Variants in FAM168A observed in about 807,000 individuals in gnomAD.
The protein encoded by FAM168A is protein FAM168A.
FAM168A carries 3 observed loss-of-function variants against 28.5 expected under a neutral mutation model. The observed-to-expected ratio is 0.11, with a 90% CI of 0.05 to 0.27. The LOEUF (loss-of-function observed/expected upper bound fraction) is 0.27, where lower values mean the gene tolerates loss of function less well. Among genes scored for constraint, FAM168A ranks in the 10% least tolerant of loss-of-function variants. The probability of loss-of-function intolerance (pLI) is 1.00; values close to 1 mark genes in which losing one functional copy is unlikely to be tolerated. For missense variants in FAM168A, 222 were observed against 311.5 expected, an observed-to-expected ratio of 0.71 and a Z score of 2.16; for synonymous variants, 122 against 124.2, an observed-to-expected ratio of 0.98 and a Z score of 0.12.
chr11:73,571,579 G>C (rs1218906157), intron 1 of FAM168A, among the ~76,000 whole-genome samples: 1 of 151,866 alleles, frequency 6.6e-6, no homozygotes, highest in East Asian at 1.9e-4. Context: ...GTGCAGTGGT[G>C]TGATCTCGGC....
At chr11:73,436,556 A>G (rs1867090032) in intron 2 of FAM168A, among the ~76,000 whole-genome samples, 1 of 152,228 alleles carries the variant, frequency 6.6e-6, no homozygotes, top group African/African-American at 2.4e-5. Context: ...AAGATAATAA[A>G]GAAGAGGGCA....
chr11:73,581,123 C>G (rs1282394028), intron 1 of FAM168A, among the ~76,000 whole-genome samples: 1 of 152,220 alleles, frequency 6.6e-6, no homozygotes, highest in Non-Finnish European at 1.5e-5. Flanking sequence ...TGTGAAATGT[C>G]AACCCTCACT....
chr11:73,545,612 G>C (rs116294298), intron 1 of FAM168A, among the ~76,000 whole-genome samples: 2 of 150,570 alleles, frequency 1.3e-5, no homozygotes, highest in Non-Finnish European at 3.0e-5. Context: ...TCTCAGTAAA[G>C]CTCTTTAACT....
intron 1 of FAM168A, among the ~76,000 whole-genome samples, chr11:73,544,454 C>T (rs1943698760): frequency 6.6e-6 from 1 of 151,672 alleles, no homozygotes; most frequent in Non-Finnish European, 1.5e-5. Context: ...AATAAGAAAC[C>T]TATGTCCACA....
At chr11:73,468,178 T>C (rs1406190668) in intron 2 of FAM168A, among the ~76,000 whole-genome samples, 1 of 152,206 alleles carries the variant, frequency 6.6e-6, no homozygotes, top group Non-Finnish European at 1.5e-5. Context: ...AATCAAATGT[T>C]TGCAGACTCT....
chr11:73,525,317 G>A (rs1943435557), intron 1 of FAM168A, among the ~76,000 whole-genome samples: 1 of 151,964 alleles, frequency 6.6e-6, no homozygotes, highest in Non-Finnish European at 1.5e-5. Flanking sequence ...TTTAAACTGG[G>A]GAAAGGGACG....
intron 2 of FAM168A, among the ~76,000 whole-genome samples, chr11:73,458,471 T>A (rs923006748): frequency 1.3e-5 from 2 of 152,320 alleles, no homozygotes; most frequent in East Asian, 3.9e-4. Flanking sequence ...ACACACAGTA[T>A]CTGAGACAGA....
intron 2 of FAM168A, among the ~76,000 whole-genome samples, chr11:73,433,333 T>C (rs893427937): frequency 2.0e-5 from 3 of 151,878 alleles, no homozygotes; most frequent in South Asian, 4.1e-4. Context: ...ATTCTGTGGA[T>C]TGTCTTTTTA....
intron 1 of FAM168A, among the ~76,000 whole-genome samples, chr11:73,545,034 A>AT: frequency 2.1e-5 from 2 of 97,132 alleles, no homozygotes; most frequent in African/African-American, 8.8e-5. Flanking sequence ...TATAATATAT[A>AT]TATATTTTTT....
chr11:73,435,256 T>C (rs115594274), intron 2 of FAM168A, among the ~76,000 whole-genome samples: 59 of 152,360 alleles, frequency 3.9e-4, no homozygotes, highest in African/African-American at 1.4e-3. Flanking sequence ...TCTGGAGGTG[T>C]GCTACTTCTC....
chr11:73,419,951 C>T lies in FAM168A; in HGVS notation c.200G>A (p.Gly67Asp), dbSNP rs766223375. The change falls in exon 4 of 8, where the codon GGC becomes GAC. Residue 67 changes from glycine to aspartate, a missense_variant. Coordinates refer to ENST00000356467, the MANE Select transcript of FAM168A (RefSeq NM_015159.3). Reference protein sequence around the residue: ...QAWPQNSSSCGTEGTFHLPVD... With the variant: ...QAWPQNSSSCDTEGTFHLPVD... ...TGGGAGGTGGAAGGTGCCTTCAGTG[C>T]CACAGGAAGACGAGTTCTGTGGCCA... The T allele has an allele frequency of 1.2e-6, 2 of 1,613,936 alleles. No homozygotes were observed. Among genetic ancestry groups the T allele is most frequent in the East Asian group, 4.5e-5 (2 of 44,868 alleles).
intron 1 of FAM168A, among the ~76,000 whole-genome samples, chr11:73,559,720 G>A (rs910853074): frequency 6.6e-6 from 1 of 152,190 alleles, no homozygotes; most frequent in African/African-American, 2.4e-5. Flanking sequence ...GATGGTTGTT[G>A]CACAACACTG....
chr11:73,464,313 A>C (rs2134569741), intron 2 of FAM168A, among the ~76,000 whole-genome samples: 1 of 147,562 alleles, frequency 6.8e-6, no homozygotes, highest in South Asian at 2.4e-4. Context: ...TTAAGCAAAA[A>C]CAGCAATCTG....
chr11:73,480,394 CTCTT>C (rs796423171), intron 1 of FAM168A, among the ~76,000 whole-genome samples: 2 of 130,426 alleles, frequency 1.5e-5, no homozygotes, highest in Admixed American at 7.4e-5. Flanking sequence ...TTCTCTCTCT[CTCTT>C]TTTTTTTTTA....
intron 2 of FAM168A, among the ~76,000 whole-genome samples, chr11:73,458,751 C>T (rs1867586085): frequency 6.6e-6 from 1 of 152,126 alleles, no homozygotes; most frequent in Non-Finnish European, 1.5e-5. Context: ...GCTGGGATTA[C>T]AGGTGCCTGC....
At chr11:73,518,768 G>A (rs1197831325) in intron 1 of FAM168A, among the ~76,000 whole-genome samples, 5 of 152,040 alleles carry the variant, frequency 3.3e-5, no homozygotes, top group African/African-American at 1.2e-4. Context: ...GTGGTCGTGC[G>A]CACCTGTAGT....
intron 3 of FAM168A, among the ~76,000 whole-genome samples, chr11:73,427,551 TGCTGGG>T (rs1324464069): frequency 6.6e-6 from 1 of 152,114 alleles, no homozygotes; most frequent in Non-Finnish European, 1.5e-5. Flanking sequence ...AGTGGCAGGG[TGCTGGG>T]GCTTGGATCT....
chr11:73,427,506 A>C (rs1866908993), intron 3 of FAM168A, among the ~76,000 whole-genome samples: 1 of 152,158 alleles, frequency 6.6e-6, no homozygotes, highest in African/African-American at 2.4e-5. Context: ...CCACTGATGC[A>C]ACCACAATGT....
chr11:73,491,165 C>T (rs1011222088), intron 1 of FAM168A, among the ~76,000 whole-genome samples: 4 of 152,154 alleles, frequency 2.6e-5, no homozygotes, highest in Non-Finnish European at 1.5e-5. Context: ...CACATACTCC[C>T]CAGACAGCTG....
Sources: gnomAD v4.1 joint callset for allele counts (sites outside exome capture counted in the v4.1 genomes callset) on GRCh38, gnomAD v4.1.1 for gene constraint, MANE v1.5 for transcripts, NCBI Gene and HGNC (gene_info 2026-07-23, HGNC 2026-07-21) for gene names.